The following MAN1C1 variants were observed in gnomAD, a reference collection of about 807,000 sequenced individuals.
MAN1C1 encodes the protein mannosidase alpha class 1C member 1, also known as mannosyl-oligosaccharide 1,2-alpha-mannosidase IC.
MAN1C1 carries 49 observed loss-of-function variants against 71.5 expected under a neutral mutation model. That is an observed-to-expected ratio of 0.69 (90% confidence interval 0.54 to 0.87). The LOEUF is 0.87. MAN1C1 is among the 40% of genes least tolerant of loss of function. The pLI is 0.00. For missense variants in MAN1C1, 743 were observed against 835.0 expected (o/e 0.89, Z 1.36); for synonymous variants, 352 against 343.7 (o/e 1.02, Z -0.27).
At chr1:25,640,848 A>G (rs2045526802) in intron 1 of MAN1C1, among the ~76,000 whole-genome samples, 1 of 152,216 alleles carries the variant, frequency 6.6e-6, no homozygotes, top group African/African-American at 2.4e-5. Context: ...GTAACTAAAA[A>G]TGGTGCCAGA....
chr1:25,670,738 C>T (rs1381944426), intron 1 of MAN1C1, among the ~76,000 whole-genome samples: 4 of 152,216 alleles, frequency 2.6e-5, no homozygotes, highest in Non-Finnish European at 4.4e-5. Context: ...CTGGCTCTGC[C>T]ACCTGCCAGC....
rs1261167160 is a variant in MAN1C1 at position 25,749,354 on chromosome 1, A to G, written c.834+19A>G. The G allele has an allele frequency of 1.9e-6, 3 of 1,586,718 alleles. No homozygotes were observed. The highest frequency in any genetic ancestry group is 3.4e-5 in the Admixed American group (2 of 59,032). ...AGAAGAGGTGGGTTGGCCTTTCATG[A>G]CCCCTGAACTGTCCAGGCTGGAAAG... On this transcript the variant is annotated intron_variant, in intron 4 of 11. Transcript: ENST00000374332.
intron 1 of MAN1C1, among the ~76,000 whole-genome samples, chr1:25,619,346 C>T (rs2045169728): frequency 6.6e-6 from 1 of 152,196 alleles, no homozygotes; most frequent in Non-Finnish European, 1.5e-5. Flanking sequence ...GAAAGGGCTG[C>T]TTCTGCCTGG....
At chr1:25,673,419 A>G (rs145959643) in intron 1 of MAN1C1, among the ~76,000 whole-genome samples, 1 of 152,318 alleles carries the variant, frequency 6.6e-6, no homozygotes, top group African/African-American at 2.4e-5. Context: ...CTTACTTGCT[A>G]TGATACTTGG....
chr1:25,655,014 T>C (rs916439802), intron 1 of MAN1C1, among the ~76,000 whole-genome samples: 3 of 152,208 alleles, frequency 2.0e-5, no homozygotes, highest in African/African-American at 7.2e-5. Context: ...CCTCTGATAA[T>C]TGAAGTGGCT....
chr1:25,737,705 G>C (rs1395087111), intron 2 of MAN1C1, among the ~76,000 whole-genome samples: 1 of 152,120 alleles, frequency 6.6e-6, no homozygotes, highest in Non-Finnish European at 1.5e-5. Flanking sequence ...ATGCAGCAGA[G>C]TTGGTGGGCA....
At chr1:25,640,755 C>T (rs979440577) in intron 1 of MAN1C1, among the ~76,000 whole-genome samples, 1 of 152,146 alleles carries the variant, frequency 6.6e-6, no homozygotes, top group Non-Finnish European at 1.5e-5. Flanking sequence ...AGACCCCACA[C>T]TAATGTACAC....
intron 1 of MAN1C1, among the ~76,000 whole-genome samples, chr1:25,679,953 ATATATATAT>A (rs1557762209): frequency 1.8e-5 from 2 of 113,766 alleles, no homozygotes; most frequent in African/African-American, 4.2e-5. Flanking sequence ...AAAAAAAAAT[ATATATATAT>A]ATATATATAT....
At chr1:25,719,869 C>T (rs570269569) in intron 2 of MAN1C1, among the ~76,000 whole-genome samples, 13 of 152,122 alleles carry the variant, frequency 8.5e-5, no homozygotes, top group Non-Finnish European at 1.8e-4. Context: ...GTGCAACCTC[C>T]GCCTCCCAGG....
At chr1:25,666,091 A>G (rs1209611585) in intron 1 of MAN1C1, among the ~76,000 whole-genome samples, 1 of 151,920 alleles carries the variant, frequency 6.6e-6, no homozygotes, top group African/African-American at 2.4e-5. Context: ...AGAAAAAAAA[A>G]CCCTCTAATC....
rs2046610109 is a variant in MAN1C1, at chr1:25,711,341, T to C, written c.637+24805T>C. Among the ~76,000 whole-genome samples, 1 of 152,064 alleles carries C rather than the reference T, an allele frequency of 6.6e-6. No individual in the cohort carries two copies. On this transcript the variant is annotated intron_variant, in intron 2 of 11. Coordinates refer to ENST00000374332, the MANE Select transcript of MAN1C1 (RefSeq NM_020379.4). The surrounding 1 kb of genome is among the most constrained non-coding windows in gnomAD (Gnocchi z 4.3). ...CCAAAGTCAGGGCTACAGGGAGAAG[T>C]AGGACACCAGGAACATTTTTGCCTT...
Position 25,778,135 on chromosome 1 carries a change from C to T in MAN1C1, c.1288C>T (p.Pro430Ser). Reference sequence around the variant, plus strand: ...AGAGACCTACTTGCTGAATGTCTCTCCCGGGGGGCTGACCTACATTGCCGA... The same window carrying T: ...AGAGACCTACTTGCTGAATGTCTCTTCCGGGGGGCTGACCTACATTGCCGA... ...AIETYLLNVS[P>S]GGLTYIAEWR... The change falls in exon 9 of 12, where the codon CCC (proline) becomes TCC (serine). Residue 430 changes from proline to serine, a missense_variant. Coordinates refer to ENST00000374332, the MANE Select transcript of MAN1C1 (RefSeq NM_020379.4). The surrounding 1 kb of genome is among the most constrained non-coding windows in gnomAD (Gnocchi z 5.5). The T allele has an allele frequency of 6.3e-7, 1 of 1,589,120 alleles. No individual in the cohort carries two copies. Among genetic ancestry groups the T allele is most frequent in the Non-Finnish European group, 8.6e-7 (1 of 1,164,920 alleles).
intron 1 of MAN1C1, among the ~76,000 whole-genome samples, chr1:25,640,412 T>C (rs991984984): frequency 2.0e-5 from 3 of 152,232 alleles, no homozygotes; most frequent in Non-Finnish European, 2.9e-5. Flanking sequence ...TCTGTTTTTC[T>C]GCACTTCCTT....
intron 1 of MAN1C1, among the ~76,000 whole-genome samples, chr1:25,633,141 A>G (rs1009556439): frequency 2.6e-5 from 4 of 152,218 alleles, no homozygotes; most frequent in Non-Finnish European, 5.9e-5. Context: ...CTGGAATTAC[A>G]GGCATGAGCC....
At chr1:25,649,458 C>T (rs1158221712) in intron 1 of MAN1C1, among the ~76,000 whole-genome samples, 1 of 152,220 alleles carries the variant, frequency 6.6e-6, no homozygotes, top group African/African-American at 2.4e-5. Flanking sequence ...GGTTGATCCT[C>T]ACCCTCACTC....
Position 25,617,014 on chromosome 1 carries a change from G to C in MAN1C1, c.-784G>C, listed in dbSNP as rs1194135970. On this transcript the variant is annotated 5_prime_UTR_variant, in exon 1 of 12. Coordinates refer to ENST00000374332, the MANE Select transcript of MAN1C1 (RefSeq NM_020379.4). The surrounding 1 kb of genome is among the most constrained non-coding windows in gnomAD (Gnocchi z 5.1). ...GGGAGCCCCGCGCCCTGCCGAGTTC[G>C]AGGGGCGGGAGCCCGCGCTCCCGGG... 6.6e-6 allele frequency among the ~76,000 whole-genome samples: 1 copy of C among 151,710 alleles called. No homozygotes were observed. Among genetic ancestry groups the C allele is most frequent in the Non-Finnish European group, 1.5e-5 (1 of 67,826 alleles).
intron 1 of MAN1C1, among the ~76,000 whole-genome samples, chr1:25,676,674 A>C (rs984702278): frequency 7.9e-5 from 12 of 152,150 alleles, no homozygotes; most frequent in African/African-American, 2.9e-4. Flanking sequence ...CTGCTGGGAG[A>C]CGCCAGTAAG....
At chr1:25,710,408 A>G (rs745480887) in intron 2 of MAN1C1, among the ~76,000 whole-genome samples, 3 of 152,392 alleles carry the variant, frequency 2.0e-5, no homozygotes, top group Non-Finnish European at 4.4e-5. Context: ...CTGCTGGCTG[A>G]CAAATGGTAA....
intron 1 of MAN1C1, among the ~76,000 whole-genome samples, chr1:25,675,427 T>G (rs569098446): frequency 6.6e-6 from 1 of 152,354 alleles, no homozygotes; most frequent in African/African-American, 2.4e-5. Context: ...CATTCCTTTC[T>G]ATGGCTGAGT....
Sources: gnomAD v4.1 joint callset for allele counts (sites outside exome capture counted in the v4.1 genomes callset) on GRCh38, gnomAD v4.1.1 for gene constraint, Gnocchi (gnomAD v3.1) non-coding constraint, MANE v1.5 for transcripts, NCBI Gene and HGNC (gene_info 2026-07-23, HGNC 2026-07-21) for gene names.